Variants in TGM3 observed in about 807,000 individuals in gnomAD.
TGM3 encodes the protein protein-glutamine gamma-glutamyltransferase E.
TGM3 carries 52 observed loss-of-function variants against 73.8 expected under a neutral mutation model. That is an observed-to-expected ratio of 0.70 (90% CI 0.56 to 0.89). The LOEUF (loss-of-function observed/expected upper bound fraction) is 0.89. Ranked by LOEUF, TGM3 falls within the 40% of genes least tolerant of loss-of-function variation. The pLI, the probability that TGM3 is intolerant of heterozygous loss-of-function variation, is 0.00. For missense variants in TGM3, 928 were observed against 909.9 expected, an observed-to-expected ratio of 1.02 and a Z score of -0.26; for synonymous variants, 372 against 354.9, an observed-to-expected ratio of 1.05 and a Z score of -0.54.
intron 1 of TGM3, among the ~76,000 whole-genome samples, chr20:2,307,056 T>C (rs1047905351): frequency 6.6e-6 from 1 of 152,154 alleles, no homozygotes; most frequent in Non-Finnish European, 1.5e-5. Context: ...TTCCCTTCAT[T>C]CAACAGACCC....
At position 2,340,919 on chromosome 20, in the gene TGM3, T is replaced by C. The variant is rs1251589506; in HGVS notation, c.*338T>C. The C allele has an allele frequency of 2.0e-6, 1 of 490,246 alleles. No individual in the cohort carries two copies. Among genetic ancestry groups the C allele is most frequent in the South Asian group, 1.5e-5 (1 of 64,854 alleles). The allele number at this position is 490,246 out of a possible 1,614,324, so 30.4% of individuals were successfully genotyped here. On this transcript the variant is annotated 3_prime_UTR_variant, in exon 13 of 13. Coordinates refer to ENST00000381458, the MANE Select transcript of TGM3 (RefSeq NM_003245.4). ...TGACCCAGGGACTCTCCAAACGGGA[T>C]ACAGGAGAGAAGCTGGTCTAGACTG...
At position 2,334,839 on chromosome 20, in the gene TGM3, C is replaced by T. The variant is rs1054924223; in HGVS notation, c.1643-277C>T. Reference sequence around the variant, plus strand: ...CTTGCCCTCCAACATTTTTCGGAGTCGGGAGGAAGCAGCGGTATCTTTAGC... The same window carrying T: ...CTTGCCCTCCAACATTTTTCGGAGTTGGGAGGAAGCAGCGGTATCTTTAGC... On this transcript the variant is annotated intron_variant, in intron 10 of 12. Transcript: ENST00000381458. This position sits in a 1 kb window ranked among gnomAD's most constrained non-coding sequence, Gnocchi z 4.0. Among the ~76,000 whole-genome samples, 9 of 152,142 alleles carry T rather than the reference C, an allele frequency of 5.9e-5. No homozygotes were observed. Among genetic ancestry groups the T allele is most frequent in the Admixed American group, 1.3e-4 (2 of 15,282 alleles).
chr20:2,323,054 G>T (rs2084269931), intron 7 of TGM3, among the ~76,000 whole-genome samples: 1 of 151,986 alleles, frequency 6.6e-6, no homozygotes, highest in Non-Finnish European at 1.5e-5. Context: ...ATACACATAG[G>T]TTTTTTTCTT....
chr20:2,315,688 A>G (rs1473319185), intron 5 of TGM3, among the ~76,000 whole-genome samples: 1 of 152,238 alleles, frequency 6.6e-6, no homozygotes, highest in Non-Finnish European at 1.5e-5. Context: ...CCAAAGTTTC[A>G]TAAACCCTGA....
chr20:2,335,216 G>C lies in TGM3; in HGVS notation c.1743G>C (p.Glu581Asp), dbSNP rs145272149. 32 of 1,614,108 alleles carry C rather than the reference G, an allele frequency of 2.0e-5. No individual in the cohort carries two copies. The Admixed American group carries it at 4.7e-4, about 24-fold the overall frequency. The stretch of plus-strand genomic sequence containing the variant: ...CAGCGGTGTGCAAGGTCCCAGATGA[G>C]TCTGAGGTGGTGGTGGAGCGGGACA... ...RITAVCKVPD[E>D]SEVVVERDII... Residue 581 changes from glutamate to aspartate, a missense_variant, in exon 11 of 13, where the codon GAG (glutamate) becomes GAC (aspartate). Physicochemically the swap from Glu to Asp is conservative, Grantham distance 45. Coordinates refer to ENST00000381458, the MANE Select transcript of TGM3 (RefSeq NM_003245.4).
Position 2,296,062 on chromosome 20 carries a change from A to G in TGM3, c.-2A>G. 1.9e-6 allele frequency: 3 copies of G among 1,551,262 alleles called. No homozygotes were observed. Among genetic ancestry groups the G allele is most frequent in the Non-Finnish European group, 2.6e-6 (3 of 1,146,986 alleles). On this transcript the variant is annotated 5_prime_UTR_variant, in exon 1 of 13. Coordinates refer to ENST00000381458, the MANE Select transcript of TGM3 (RefSeq NM_003245.4). ...CTGAGAAGAGGCAGAGGAAGGCGAA[A>G]CATGGCTGGTGAGTGCATGGCATCT...
At position 2,332,068 on chromosome 20, in the gene TGM3, C is replaced by T. The variant is rs779420096; in HGVS notation, c.1400C>T (p.Ala467Val). Residue 467 changes from alanine (A) to valine (V), a missense_variant, in exon 10 of 13, where the codon GCC (alanine) becomes GTC (valine). Physicochemically the swap from Ala to Val is moderately conservative, Grantham distance 64. Transcript: ENST00000381458. The surrounding 1 kb of genome is among the most constrained non-coding windows in gnomAD (Gnocchi z 4.4). ...AAACTTAAACCCAACACGCCATTTG[C>T]CGCGACGTCTTCAATGGGTTTGGAA... ...LGKLKPNTPFAATSSMGLETE... is the reference protein window; with the variant it reads ...LGKLKPNTPFVATSSMGLETE... 1.7e-5 allele frequency: 28 copies of T among 1,614,020 alleles called. No individual in the cohort carries two copies. Among genetic ancestry groups the T allele is most frequent in the Non-Finnish European group, 2.3e-5 (27 of 1,180,006 alleles).
At chr20:2,300,105 T>TA (rs5839945) in intron 1 of TGM3, among the ~76,000 whole-genome samples, 3 of 138,952 alleles carry the variant, frequency 2.2e-5, no homozygotes, top group African/African-American at 8.3e-5. Context: ...AGACTCCATT[T>TA]AAAAAAAAAA....
At chr20:2,312,542 CGGCT>C (rs2084211543) in intron 4 of TGM3, among the ~76,000 whole-genome samples, 1 of 152,096 alleles carries the variant, frequency 6.6e-6, no homozygotes, top group Non-Finnish European at 1.5e-5. Flanking sequence ...GCCGGGGCGT[CGGCT>C]AGACCAAGCC....
Position 2,310,246 on chromosome 20 carries a change from T to G in TGM3, c.250T>G (p.Trp84Gly), listed in dbSNP as rs1568624088. The G allele has an allele frequency of 6.2e-7, 1 of 1,614,252 alleles. No individual in the cohort carries two copies. The highest frequency in any genetic ancestry group is 8.5e-7 in the Non-Finnish European group (1 of 1,180,038). Reference sequence around the variant, plus strand: ...ACTCTCCAATGGCAGTAGTGGTGGCTGGAGTGCGGTGCTTCAGGCCAGCAA... The same window carrying G: ...ACTCTCCAATGGCAGTAGTGGTGGCGGGAGTGCGGTGCTTCAGGCCAGCAA... ...FPLSNGSSGG[W>G]SAVLQASNGN... Residue 84 changes from tryptophan to glycine, a missense_variant, in exon 3 of 13, where the codon TGG becomes GGG. By Grantham distance (184) the Trp-to-Gly change is radical. Transcript: ENST00000381458.
Position 2,317,235 on chromosome 20 carries a change from C to A in TGM3, c.837C>A (p.Thr279=). The A allele has an allele frequency of 1.2e-6, 2 of 1,614,124 alleles. No individual in the cohort carries two copies. Among genetic ancestry groups the A allele is most frequent in the Non-Finnish European group, 1.7e-6 (2 of 1,180,016 alleles). Residue 279 remains threonine (T), a synonymous_variant, in exon 6 of 13, where the codon ACC becomes ACA. Coordinates refer to ENST00000381458, the MANE Select transcript of TGM3 (RefSeq NM_003245.4). ...GCCAGTGCTGGGTCTTTGCTGGGACCCTCAACACAGGTACCTTGGGTGTGG... is the reference window on the plus strand; with the variant it reads ...GCCAGTGCTGGGTCTTTGCTGGGACACTCAACACAGGTACCTTGGGTGTGG... The part of the protein sequence containing the change: ...RYGQCWVFAG[T]LNTALRSLGI...
chr20:2,329,609 T>C (rs1339566217), intron 9 of TGM3, among the ~76,000 whole-genome samples: 1 of 152,050 alleles, frequency 6.6e-6, no homozygotes, highest in Non-Finnish European at 1.5e-5. Flanking sequence ...ACAAGTATTT[T>C]CAACAATGTT....
At chr20:2,317,982 G>A (rs2084244616) in intron 7 of TGM3, among the ~76,000 whole-genome samples, 1 of 147,218 alleles carries the variant, frequency 6.8e-6, no homozygotes, top group Admixed American at 6.8e-5. Flanking sequence ...TACCTTGGTT[G>A]ACATCAAAAG....
At position 2,332,363 on chromosome 20, in the gene TGM3, C is replaced by T. The variant is rs2084326250; in HGVS notation, c.1642+53C>T. The T allele has an allele frequency of 3.4e-6, 5 of 1,491,798 alleles. 1 individual carries two copies. Among genetic ancestry groups the T allele is most frequent in the South Asian group, 2.7e-5 (2 of 73,304 alleles). 92.4% of individuals were successfully genotyped at this position (1,491,798 alleles called of 1,614,324 possible). A position where few individuals can be genotyped will look rare whatever the true frequency, so the allele number is the denominator to read the frequency against. On this transcript the variant is annotated intron_variant, in intron 10 of 12. Coordinates refer to ENST00000381458, the MANE Select transcript of TGM3 (RefSeq NM_003245.4). The surrounding 1 kb of genome is among the most constrained non-coding windows in gnomAD (Gnocchi z 4.4). The stretch of plus-strand genomic sequence containing the variant: ...CCACGAATCCGAGGTAGCCAATGGC[C>T]TTCTGGGGCTGCAGGGTGTCTGCTG...
rs2084104645 is a variant in TGM3, at chr20:2,296,068, C to T, written c.5C>T (p.Ala2Val). 1.9e-6 allele frequency: 3 copies of T among 1,551,046 alleles called. No homozygotes were observed. The highest frequency in any genetic ancestry group is 2.6e-6 in the Non-Finnish European group (3 of 1,146,956). M[A>V]ALGVQSINWQ... ...AGAGGCAGAGGAAGGCGAAACATGGCTGGTGAGTGCATGGCATCTTCTCCA... is the reference window on the plus strand; with the variant it reads ...AGAGGCAGAGGAAGGCGAAACATGGTTGGTGAGTGCATGGCATCTTCTCCA... Residue 2 changes from alanine to valine, a missense_variant and splice_region_variant, in exon 1 of 13, where the codon GCT becomes GTT. Physicochemically the swap from Ala to Val is moderately conservative, Grantham distance 64 (BLOSUM62 0). Coordinates refer to ENST00000381458, the MANE Select transcript of TGM3 (RefSeq NM_003245.4).
chr20:2,298,810 A>T (rs1189519651), intron 1 of TGM3, among the ~76,000 whole-genome samples: 1 of 151,120 alleles, frequency 6.6e-6, no homozygotes, highest in African/African-American at 2.4e-5. Context: ...GGCAATATCT[A>T]CTCTCTCTCT....
intron 3 of TGM3, 39 bp from the exon 4 acceptor site, chr20:2,310,972 G>T: frequency 6.4e-7 from 1 of 1,571,658 alleles, no homozygotes; most frequent in South Asian, 1.1e-5. Context: ...AGTCCTCCGA[G>T]GATTCTAGTC....
chr20:2,339,547 C>T (rs778758016), intron 11 of TGM3, among the ~76,000 whole-genome samples: 37 of 152,164 alleles, frequency 2.4e-4, no homozygotes, highest in African/African-American at 1.7e-4. Context: ...TCCTGGGAAG[C>T]AGGGTCTGAA....
intron 11 of TGM3, among the ~76,000 whole-genome samples, chr20:2,339,278 G>A (rs372455027): frequency 1.6e-4 from 25 of 152,204 alleles, no homozygotes; most frequent in African/African-American, 5.5e-4. Flanking sequence ...TCCCAGAGAC[G>A]GAGGTTCAAG....
Sources: allele counts gnomAD v4.1 joint callset (sites outside exome capture counted in the v4.1 genomes callset), GRCh38; gene constraint gnomAD v4.1.1; non-coding constraint Gnocchi (gnomAD v3.1); transcripts MANE v1.5; gene names NCBI Gene and HGNC (gene_info 2026-07-23, HGNC 2026-07-21).